SPPL2A: variants seen among roughly 807,000 people sequenced by gnomAD.
The protein encoded by SPPL2A is signal peptide peptidase like 2A, also known as signal peptide peptidase-like 2A.
In SPPL2A, 51 loss-of-function variants were observed where a neutral mutation model predicts 63.8. The observed-to-expected ratio is 0.80, with a 90% CI of 0.64 to 1.01. The LOEUF is 1.01. Among genes scored for constraint, SPPL2A ranks in the 50% least tolerant of loss-of-function variants. The pLI is 0.00. For missense variants in SPPL2A, 553 were observed against 622.7 expected (o/e 0.89, Z 1.19); for synonymous variants, 188 against 205.8 (o/e 0.91, Z 0.74).
At chr15:50,727,808 G>GC (rs1165677792) in intron 10 of SPPL2A, among the ~76,000 whole-genome samples, 8 of 152,184 alleles carry the variant, frequency 5.3e-5, no homozygotes, top group African/African-American at 1.9e-4. Context: ...ACTAAGGCCT[G>GC]CTGCCTTAAT....
intron 1 of SPPL2A, among the ~76,000 whole-genome samples, chr15:50,752,736 C>CA (rs890437776): frequency 1.3e-5 from 2 of 151,224 alleles, no homozygotes; most frequent in African/African-American, 2.4e-5. Context: ...AAAAACAACC[C>CA]AAAAAAACAA....
chr15:50,745,965 C>A (rs1299157056), intron 5 of SPPL2A, among the ~76,000 whole-genome samples: 3 of 151,838 alleles, frequency 2.0e-5, no homozygotes, highest in Non-Finnish European at 4.4e-5. Flanking sequence ...GCAGGGGAAG[C>A]GCTTGAATCT....
Position 50,705,043 on chromosome 15 carries a change from T to C in SPPL2A, c.*2757A>G, listed in dbSNP as rs2062498154. ...CCAGTTATATGAAACCAAATTATTT[T>C]GAGAAATTATCTTATTTTGCCAGGC... On this transcript the variant is annotated 3_prime_UTR_variant, in exon 15 of 15. Transcript: ENST00000261854. 1 of 152,144 alleles carries C rather than the reference T, an allele frequency of 6.6e-6. No homozygotes were observed. The highest frequency in any genetic ancestry group is 6.6e-5 in the Admixed American group (1 of 15,254). The allele number at this position is 152,144 out of a possible 1,614,324, so 9.4% of individuals were successfully genotyped here. A position where few individuals can be genotyped will look rare whatever the true frequency, so the allele number is the denominator to read the frequency against.
intron 1 of SPPL2A, among the ~76,000 whole-genome samples, chr15:50,756,538 T>C (rs1354263170): frequency 1.3e-5 from 2 of 152,048 alleles, no homozygotes; most frequent in Admixed American, 1.3e-4. Context: ...TCTGGTCTTC[T>C]ATGGCTTCAT....
intron 14 of SPPL2A, among the ~76,000 whole-genome samples, chr15:50,708,917 G>T (rs1271827181): frequency 3.3e-5 from 5 of 151,572 alleles, no homozygotes; most frequent in African/African-American, 9.7e-5. Context: ...AGCGCCTGTA[G>T]TCCCAGCTAA....
intron 14 of SPPL2A, among the ~76,000 whole-genome samples, chr15:50,709,470 T>C (rs1261033454): frequency 6.6e-6 from 1 of 152,146 alleles, no homozygotes; most frequent in Non-Finnish European, 1.5e-5. Flanking sequence ...GGCTGACAAC[T>C]GTCTCAACTA....
At chr15:50,746,056 A>AT (rs1378396478) in intron 5 of SPPL2A, among the ~76,000 whole-genome samples, 5 of 151,888 alleles carry the variant, frequency 3.3e-5, no homozygotes. Flanking sequence ...ATCTCAAAAA[A>AT]ATATATATAA....
At position 50,748,626 on chromosome 15, in the gene SPPL2A, C is replaced by T. The variant is rs1596394656; in HGVS notation, c.360+62G>A. The stretch of plus-strand genomic sequence containing the variant: ...TAAACCACACACAAAGACGTTAATT[C>T]CATTTTTGTGAAATTTCACATCATG... On this transcript the variant is annotated intron_variant, in intron 3 of 14. Coordinates refer to ENST00000261854, the MANE Select transcript of SPPL2A (RefSeq NM_032802.4). The T allele has an allele frequency of 1.9e-5, 22 of 1,146,442 alleles. 1 individual carries two copies. The East Asian group carries it at 5.9e-4, about 31-fold the overall frequency. The allele number at this position is 1,146,442 out of a possible 1,614,324, so 71.0% of individuals were successfully genotyped here. A position where few individuals can be genotyped will look rare whatever the true frequency, so the allele number is the denominator to read the frequency against.
Position 50,747,607 on chromosome 15 carries a change from C to T in SPPL2A, c.472G>A (p.Val158Met), listed in dbSNP as rs1478901459. 1.2e-6 allele frequency: 2 copies of T among 1,608,018 alleles called. No individual in the cohort carries two copies. Among genetic ancestry groups the T allele is most frequent in the Non-Finnish European group, 1.7e-6 (2 of 1,176,674 alleles). ...GGCCACGATGGAGAATACATTTTCACAGTAATGTTATCTCCTAGAGTCTGA... is the reference window on the plus strand; with the variant it reads ...GGCCACGATGGAGAATACATTTTCATAGTAATGTTATCTCCTAGAGTCTGA... Reference protein sequence around the residue: ...MNQTLGDNITVKMYSPSWPNF... With the variant: ...MNQTLGDNITMKMYSPSWPNF... The change falls in exon 5 of 15, where the codon GTG (valine) becomes ATG (methionine). Residue 158 changes from valine (V) to methionine (M), a missense_variant. By Grantham distance (21) the Val-to-Met change is conservative (BLOSUM62 1). Coordinates refer to ENST00000261854, the MANE Select transcript of SPPL2A (RefSeq NM_032802.4).
chr15:50,720,804 G>A (rs2062640275), intron 13 of SPPL2A, among the ~76,000 whole-genome samples: 1 of 151,988 alleles, frequency 6.6e-6, no homozygotes, highest in African/African-American at 2.4e-5. Flanking sequence ...ATAGGTGTGA[G>A]CACCGCGCCC....
intron 13 of SPPL2A, among the ~76,000 whole-genome samples, chr15:50,721,120 A>G (rs1446247216): frequency 1.3e-5 from 2 of 151,712 alleles, no homozygotes; most frequent in Non-Finnish European, 2.9e-5. Flanking sequence ...TCTTGAACCC[A>G]CTTCCCAGGT....
chr15:50,739,298 C>A (rs2062799145), intron 6 of SPPL2A, among the ~76,000 whole-genome samples: 1 of 151,522 alleles, frequency 6.6e-6, no homozygotes, highest in Non-Finnish European at 1.5e-5. Context: ...CCTGACTCAG[C>A]CTCTCAAGTA....
At chr15:50,747,130 C>T (rs554817890) in intron 5 of SPPL2A, among the ~76,000 whole-genome samples, 3 of 152,280 alleles carry the variant, frequency 2.0e-5, no homozygotes, top group East Asian at 1.9e-4. Context: ...ACTGTAATGA[C>T]CCAGCCCAGG....
chr15:50,720,435 A>G (rs1170813502), intron 13 of SPPL2A, among the ~76,000 whole-genome samples: 1 of 152,106 alleles, frequency 6.6e-6, no homozygotes, highest in Non-Finnish European at 1.5e-5. Context: ...AATAGGTAAT[A>G]TAAGTTGTTT....
intron 8 of SPPL2A, 75 bp downstream of exon 8, chr15:50,736,026 A>G: frequency 1.1e-6 from 1 of 943,278 alleles, no homozygotes; most frequent in Non-Finnish European, 1.7e-6. Flanking sequence ...TTCCATAATA[A>G]TCATAATAAG....
At chr15:50,724,865 A>T (rs1380995379) in intron 12 of SPPL2A, among the ~76,000 whole-genome samples, 2 of 152,162 alleles carry the variant, frequency 1.3e-5, no homozygotes, top group African/African-American at 4.8e-5. Context: ...CCCTTTTTCT[A>T]AAACATAACT....
At chr15:50,717,450 A>T (rs1296391072) in intron 14 of SPPL2A, among the ~76,000 whole-genome samples, 3 of 152,146 alleles carry the variant, frequency 2.0e-5, no homozygotes, top group Non-Finnish European at 4.4e-5. Flanking sequence ...TGCAATTATC[A>T]GGATAAACAA....
At chr15:50,712,631 C>CTTCCTTCCT (rs1243310815) in intron 14 of SPPL2A, among the ~76,000 whole-genome samples, 4 of 150,190 alleles carry the variant, frequency 2.7e-5, no homozygotes, top group East Asian at 2.0e-4. Flanking sequence ...TATGGATTTC[C>CTTCCTTCCT]TTCCTTCCTT....
At chr15:50,740,469 A>G (rs2062811469) in intron 5 of SPPL2A, among the ~76,000 whole-genome samples, 1 of 151,294 alleles carries the variant, frequency 6.6e-6, no homozygotes, top group African/African-American at 2.4e-5. Flanking sequence ...GATGACATCT[A>G]TTATATAAAC....
Sources: gnomAD v4.1 joint callset for allele counts (sites outside exome capture counted in the v4.1 genomes callset) on GRCh38, gnomAD v4.1.1 for gene constraint, MANE v1.5 for transcripts, NCBI Gene and HGNC (gene_info 2026-07-23, HGNC 2026-07-21) for gene names.